Variants in SORT1 observed in about 807,000 individuals in gnomAD.
SORT1 encodes the protein sortilin.
Under a neutral mutation model 101.7 loss-of-function variants are expected in SORT1, and 39 were observed. That is an observed-to-expected ratio of 0.38 (90% CI 0.30 to 0.50). The LOEUF is 0.50. SORT1 is among the 20% of genes least tolerant of loss of function. The probability of loss-of-function intolerance (pLI) is 0.90; values close to 1 mark genes in which losing one functional copy is unlikely to be tolerated. For missense variants in SORT1, 878 were observed against 1,040.4 expected, an observed-to-expected ratio of 0.84 and a Z score of 2.15; for synonymous variants, 396 against 393.7, an observed-to-expected ratio of 1.01 and a Z score of -0.07.
intron 3 of SORT1, among the ~76,000 whole-genome samples, chr1:109,363,014 T>A (rs1438281828): frequency 6.6e-6 from 1 of 152,156 alleles, no homozygotes; most frequent in Non-Finnish European, 1.5e-5. Flanking sequence ...TTTAAAAAAA[T>A]CTCAAGTAAC....
At chr1:109,316,702 C>T (rs1281193369) in intron 17 of SORT1, 148 bp downstream of exon 17, 1 of 568,764 alleles carries the variant, frequency 1.8e-6, no homozygotes, top group East Asian at 3.2e-5. Flanking sequence ...ATCCTTCATG[C>T]TAACAGCTTC....
intron 15 of SORT1, among the ~76,000 whole-genome samples, chr1:109,322,416 A>G (rs1647694135): frequency 6.6e-6 from 1 of 152,104 alleles, no homozygotes; most frequent in Non-Finnish European, 1.5e-5. Flanking sequence ...GTTCTGCCCA[A>G]TAATTAACTG....
intron 1 of SORT1, among the ~76,000 whole-genome samples, chr1:109,385,808 C>T (rs111546222): frequency 2.1e-3 from 318 of 152,262 alleles, no homozygotes; most frequent in African/African-American, 6.9e-3. Context: ...TTTCCTAATG[C>T]CCCAGACTAA....
intron 3 of SORT1, among the ~76,000 whole-genome samples, chr1:109,364,600 G>A (rs1240369721): frequency 2.0e-5 from 3 of 152,138 alleles, no homozygotes; most frequent in South Asian, 4.1e-4. Flanking sequence ...TATGAGTACC[G>A]ACCCATCAGC....
chr1:109,358,375 A>C (rs565628629), intron 3 of SORT1, among the ~76,000 whole-genome samples: 29 of 152,288 alleles, frequency 1.9e-4, no homozygotes, highest in African/African-American at 6.7e-4. Flanking sequence ...TGGCCTCCCA[A>C]AGCTCTAGAA....
At position 109,385,814 on chromosome 1, in the gene SORT1, A is replaced by T. The variant is rs549367544; in HGVS notation, c.306+11773T>A. ...CAGTGAATCTTTCCTAATGCCCCAG[A>T]CTAAAAAAGACCTGTCAATTATTCC... On this transcript the variant is annotated intron_variant, in intron 1 of 19. Transcript: ENST00000256637. Among the ~76,000 whole-genome samples, 3 of 152,350 alleles carry T rather than the reference A, an allele frequency of 2.0e-5. No individual in the cohort carries two copies. The South Asian group carries it at 6.2e-4, about 32-fold the overall frequency.
chr1:109,356,308 G>A (rs1650321366), intron 3 of SORT1, among the ~76,000 whole-genome samples: 1 of 152,192 alleles, frequency 6.6e-6, no homozygotes, highest in Non-Finnish European at 1.5e-5. Flanking sequence ...TGGCCCCAAT[G>A]TCAAGAGTAC....
Position 109,317,983 on chromosome 1 carries a change from C to A in SORT1, c.2025-14G>T. ...TAGCCAAAATCACTGCAAGAGTCAG[C>A]AAATAAAGTACCTTTCAAAGCAGCT... On this transcript the variant is annotated splice_polypyrimidine_tract_variant and intron_variant, in intron 15 of 19. Transcript: ENST00000256637. The A allele has an allele frequency of 6.5e-7, 1 of 1,528,678 alleles. No individual in the cohort carries two copies. The highest frequency in any genetic ancestry group is 9.1e-7 in the Non-Finnish European group (1 of 1,102,546). 94.7% of individuals were successfully genotyped at this position (1,528,678 alleles called of 1,614,324 possible).
intron 11 of SORT1, among the ~76,000 whole-genome samples, chr1:109,332,930 CCTT>C (rs1170504909): frequency 6.6e-6 from 1 of 152,016 alleles, no homozygotes; most frequent in Non-Finnish European, 1.5e-5. Flanking sequence ...AAATTTCAAC[CCTT>C]CTTTCTTTTT....
At chr1:109,322,157 C>CA (rs1647675206) in intron 15 of SORT1, among the ~76,000 whole-genome samples, 1 of 151,462 alleles carries the variant, frequency 6.6e-6, no homozygotes, top group African/African-American at 2.4e-5. Flanking sequence ...AAGCTGGTCT[C>CA]AAACTCCTGA....
chr1:109,325,784 G>A (rs1647965859), intron 13 of SORT1, among the ~76,000 whole-genome samples: 1 of 151,574 alleles, frequency 6.6e-6, no homozygotes, highest in Non-Finnish European at 1.5e-5. Context: ...AGACCAGCCT[G>A]ACCAACACAA....
chr1:109,370,069 A>C (rs1166549632), intron 1 of SORT1, among the ~76,000 whole-genome samples: 2 of 152,234 alleles, frequency 1.3e-5, no homozygotes, highest in African/African-American at 4.8e-5. Flanking sequence ...TCACTCAAAA[A>C]TGACAACGGG....
intron 1 of SORT1, among the ~76,000 whole-genome samples, chr1:109,376,180 A>C (rs1651828121): frequency 6.6e-6 from 1 of 152,006 alleles, no homozygotes; most frequent in Admixed American, 6.6e-5. Context: ...AATACAAAAA[A>C]TTAGCCGGGC....
chr1:109,336,429 C>G, intron 10 of SORT1, 83 bp from the exon 11 acceptor site: 1 of 891,046 alleles, frequency 1.1e-6, no homozygotes, highest in Non-Finnish European at 1.9e-6. Context: ...TGACTCTCTC[C>G]TGAGACCGTA....
chr1:109,390,796 T>TGC (rs756956110), intron 1 of SORT1, among the ~76,000 whole-genome samples: 6,692 of 144,834 alleles, frequency 0.046, 185 homozygotes, highest in Non-Finnish European at 0.055. Context: ...TGTGTGTGTG[T>TGC]GTGCGCGCGC....
At chr1:109,344,955 C>G (rs1350813094) in intron 8 of SORT1, among the ~76,000 whole-genome samples, 37 of 152,162 alleles carry the variant, frequency 2.4e-4, no homozygotes, top group Admixed American at 2.4e-3. Context: ...CCTCAGCCTC[C>G]CAAAGTCCTG....
chr1:109,386,900 C>T (rs892040050), intron 1 of SORT1, among the ~76,000 whole-genome samples: 8 of 152,126 alleles, frequency 5.3e-5, no homozygotes, highest in African/African-American at 1.9e-4. Context: ...ATGCAAGGTG[C>T]TATTTCAGAG....
At chr1:109,342,243 T>C in intron 8 of SORT1, 85 bp from the exon 9 acceptor site, 1 of 1,011,956 alleles carries the variant, frequency 9.9e-7, no homozygotes, top group Non-Finnish European at 1.5e-6. Context: ...TTTAAATAAC[T>C]ACTATTATCC....
Position 109,313,655 on chromosome 1 carries a change from C to A in SORT1, c.*388G>T. On this transcript the variant is annotated 3_prime_UTR_variant, in exon 20 of 20. Coordinates refer to ENST00000256637, the MANE Select transcript of SORT1 (RefSeq NM_002959.7). ...ACCAAGTACACTGTGAGAGCTGATA[C>A]TGGAGTTGGCAGATGCCCTGGGGCA... The A allele has an allele frequency of 3.9e-6, 1 of 258,354 alleles. No individual in the cohort carries two copies. The highest frequency in any genetic ancestry group is 7.5e-6 in the Non-Finnish European group (1 of 133,766). The allele number at this position is 258,354 out of a possible 1,614,324, so 16.0% of individuals were successfully genotyped here.
Sources: gnomAD v4.1 joint callset for allele counts (sites outside exome capture counted in the v4.1 genomes callset) on GRCh38, gnomAD v4.1.1 for gene constraint, MANE v1.5 for transcripts, NCBI Gene and HGNC (gene_info 2026-07-23, HGNC 2026-07-21) for gene names.